MARCHF2: variants seen among roughly 807,000 people sequenced by gnomAD.
The protein encoded by MARCHF2 is membrane associated ring-CH-type finger 2.
A neutral mutation model predicts 24.0 loss-of-function variants in MARCHF2; 22 were observed. That is an observed-to-expected ratio of 0.92 (90% CI 0.66 to 1.31). The LOEUF is 1.31. Ranked by LOEUF, MARCHF2 falls within the 50% of genes most tolerant of loss-of-function variation. The pLI, the probability that MARCHF2 is intolerant of heterozygous loss-of-function variation, is 0.00. For missense variants in MARCHF2, 301 were observed against 335.3 expected (o/e 0.90, Z 0.80); for synonymous variants, 154 against 153.0 (o/e 1.01, Z -0.05).
intron 1 of MARCHF2, among the ~76,000 whole-genome samples, chr19:8,415,745 A>AAAAAAAAAAAAAAAAAAAAAAAAAAC (rs1568233711): frequency 9.3e-5 from 5 of 54,002 alleles, no homozygotes; most frequent in Non-Finnish European, 1.6e-4. Context: ...CAAAAAAAAC[A>AAAAAAAAAAAAAAAAAAAAAAAAAAC]AAAAAAAAAA....
At chr19:8,421,386 T>C (rs991266288) in intron 1 of MARCHF2, among the ~76,000 whole-genome samples, 16 of 144,650 alleles carry the variant, frequency 1.1e-4, no homozygotes, top group South Asian at 2.2e-4. Flanking sequence ...TCTTTTCTTT[T>C]TTTTTTTTTT....
chr19:8,417,334 C>T (rs1967109678), intron 1 of MARCHF2, among the ~76,000 whole-genome samples: 1 of 152,170 alleles, frequency 6.6e-6, no homozygotes, highest in Non-Finnish European at 1.5e-5. Context: ...GTCCCAGCTA[C>T]TCGACAGGCT....
chr19:8,437,534 G>A (rs1202742107), intron 4 of MARCHF2, among the ~76,000 whole-genome samples: 3 of 150,614 alleles, frequency 2.0e-5, no homozygotes, highest in Middle Eastern at 7.0e-3. Context: ...TGTATTTTCA[G>A]TAGAGATGGC....
chr19:8,414,943 C>T (rs1244656413), intron 1 of MARCHF2, among the ~76,000 whole-genome samples: 3 of 152,186 alleles, frequency 2.0e-5, no homozygotes, highest in Admixed American at 6.5e-5. Context: ...GAACCCAGGT[C>T]TCTTGAGGTC....
At chr19:8,435,337 G>A (rs1802459474) in intron 4 of MARCHF2, among the ~76,000 whole-genome samples, 1 of 151,694 alleles carries the variant, frequency 6.6e-6, no homozygotes, top group Non-Finnish European at 1.5e-5. Context: ...TTTTTTTATA[G>A]ACTAATTTTT....
chr19:8,431,517 AAAG>A (rs1967584915), intron 4 of MARCHF2, among the ~76,000 whole-genome samples: 1 of 148,194 alleles, frequency 6.7e-6, no homozygotes, highest in East Asian at 2.0e-4. Flanking sequence ...AAAAAAAAAA[AAAG>A]GAAAAAAGAA....
chr19:8,425,815 C>T (rs544794601), intron 2 of MARCHF2, among the ~76,000 whole-genome samples: 1 of 149,922 alleles, frequency 6.7e-6, no homozygotes, highest in East Asian at 2.1e-4. Flanking sequence ...CGGGGTTTCA[C>T]CATGTTGGCC....
chr19:8,416,040 G>A (rs1166586342), intron 1 of MARCHF2, among the ~76,000 whole-genome samples: 1 of 152,034 alleles, frequency 6.6e-6, no homozygotes, highest in Non-Finnish European at 1.5e-5. Flanking sequence ...ACGGAGTGAG[G>A]ATTGAGAAAT....
At chr19:8,422,174 G>C (rs1967265866) in intron 2 of MARCHF2, among the ~76,000 whole-genome samples, 158 bp downstream of exon 2, 1 of 152,172 alleles carries the variant, frequency 6.6e-6, no homozygotes, top group African/African-American at 2.4e-5. Context: ...TGTGGAAACA[G>C]AGGCCTAGCT....
At chr19:8,425,292 C>T (rs1281591527) in intron 2 of MARCHF2, among the ~76,000 whole-genome samples, 8 of 150,128 alleles carry the variant, frequency 5.3e-5, no homozygotes, top group Non-Finnish European at 1.0e-4. Context: ...TGAGGCTACT[C>T]GGGAGGCTGA....
intron 4 of MARCHF2, among the ~76,000 whole-genome samples, chr19:8,434,677 T>A (rs955564115): frequency 2.6e-5 from 4 of 151,954 alleles, no homozygotes; most frequent in African/African-American, 9.7e-5. Context: ...GGAACTTGCT[T>A]GGTCAAAGGA....
At chr19:8,427,472 T>C (rs1021371154) in intron 3 of MARCHF2, among the ~76,000 whole-genome samples, 1 of 148,480 alleles carries the variant, frequency 6.7e-6, no homozygotes, top group Non-Finnish European at 1.5e-5. Flanking sequence ...TAAAGTCCAG[T>C]AACTTTAATC....
chr19:8,421,714 A>T, intron 1 of MARCHF2, 75 bp from the exon 2 acceptor site: 1 of 764,764 alleles, frequency 1.3e-6, no homozygotes, highest in Non-Finnish European at 2.0e-6. Context: ...TACAGCCTTG[A>T]CAAGAGGGGA....
intron 1 of MARCHF2, 80 bp from the exon 2 acceptor site, chr19:8,421,709 C>A (rs1220268416): frequency 5.5e-6 from 4 of 730,854 alleles, no homozygotes; most frequent in Non-Finnish European, 6.5e-6. Flanking sequence ...GTCCCTACAG[C>A]CTTGACAAGA....
In MARCHF2 at chr19:8,435,205, A is replaced by T. The variant is rs138166522; in HGVS notation, c.583-3183A>T. On this transcript the variant is annotated intron_variant, in intron 4 of 4. Coordinates refer to ENST00000215555, the MANE Select transcript of MARCHF2 (RefSeq NM_001005415.2). ...AGATAATTTTTTTTATTTTTAGTAG[A>T]GACAGGGTTTCACCATGTTGGCCAG... Among the ~76,000 whole-genome samples, 1,429 of 151,676 alleles carry T rather than the reference A, an allele frequency of 9.4e-3. 30 individuals carry two copies. The highest frequency in any genetic ancestry group is 0.033 in the African/African-American group (1,347 of 41,342).
At chr19:8,436,081 G>A (rs1386979954) in intron 4 of MARCHF2, among the ~76,000 whole-genome samples, 1 of 151,792 alleles carries the variant, frequency 6.6e-6, no homozygotes, top group African/African-American at 2.4e-5. Flanking sequence ...GCTAGGAGTT[G>A]ACTCTTGCTG....
chr19:8,438,745 T>G lies in MARCHF2; in HGVS notation c.*199T>G. 3.3e-6 allele frequency: 2 copies of G among 601,434 alleles called. No homozygotes were observed. The highest frequency in any genetic ancestry group is 4.5e-5 in the South Asian group (2 of 44,856). 37.3% of individuals were successfully genotyped at this position (601,434 alleles called of 1,614,324 possible). A position where few individuals can be genotyped will look rare whatever the true frequency, so the allele number is the denominator to read the frequency against. ...ATTTTCAGGGTTTTTTTTTTTTTTT[T>G]TTTGCATATGGAGGACAGGTGGACA... On this transcript the variant is annotated 3_prime_UTR_variant, in exon 5 of 5. Transcript: ENST00000215555.
intron 1 of MARCHF2, among the ~76,000 whole-genome samples, chr19:8,416,318 G>A (rs964017547): frequency 6.8e-6 from 1 of 147,332 alleles, no homozygotes; most frequent in African/African-American, 2.5e-5. Flanking sequence ...TCCAGCCTGG[G>A]CGACAGAGCG....
chr19:8,426,900 C>G, intron 3 of MARCHF2, 96 bp downstream of exon 3: 1 of 1,150,136 alleles, frequency 8.7e-7, no homozygotes, highest in Non-Finnish European at 1.2e-6. Flanking sequence ...GGTGGTCCTC[C>G]TAGGGCAGAA....
Sources: gnomAD v4.1 joint callset for allele counts (sites outside exome capture counted in the v4.1 genomes callset) on GRCh38, gnomAD v4.1.1 for gene constraint, MANE v1.5 for transcripts, NCBI Gene and HGNC (gene_info 2026-07-23, HGNC 2026-07-21) for gene names.